TRIO: variants seen among roughly 807,000 people sequenced by gnomAD.
TRIO encodes the protein trio Rho guanine nucleotide exchange factor.
A neutral mutation model predicts 351.9 loss-of-function variants in TRIO; 58 were observed. That is an observed-to-expected ratio of 0.16 (90% CI 0.13 to 0.21). The LOEUF is 0.21. Among genes scored for constraint, TRIO ranks in the 10% least tolerant of loss-of-function variants. The pLI, the probability that TRIO is intolerant of heterozygous loss-of-function variation, is 1.00. For missense variants in TRIO, 3,201 were observed against 4,027.8 expected (o/e 0.79, Z 5.56); for synonymous variants, 1,758 against 1,595.7 (o/e 1.10, Z -2.42).
intron 19 of TRIO, among the ~76,000 whole-genome samples, chr5:14,376,383 C>T (rs1745559706): frequency 6.6e-6 from 1 of 152,180 alleles, no homozygotes; most frequent in South Asian, 2.1e-4. Flanking sequence ...TAGCTAATTC[C>T]TTAGCTACTG....
At chr5:14,176,107 G>C (rs939993923) in intron 1 of TRIO, among the ~76,000 whole-genome samples, 1 of 151,998 alleles carries the variant, frequency 6.6e-6, no homozygotes, top group Non-Finnish European at 1.5e-5. Flanking sequence ...AGGAGTTCAA[G>C]GCCAGCCTGG....
chr5:14,406,190 G>T lies in TRIO; in HGVS notation c.4859+200G>T, dbSNP rs2014176. ...GAGCCTCTATTGGCTTAGAGTAAAC[G>T]AAGGGCTGTGTGCAAACCTCTCATT... On this transcript the variant is annotated intron_variant, in intron 32 of 56. Coordinates refer to ENST00000344204, the MANE Select transcript of TRIO (RefSeq NM_007118.4). The T allele has an allele frequency of 3.8e-6, 3 of 789,544 alleles. No individual in the cohort carries two copies. The East Asian group carries it at 8.4e-5, about 22-fold the overall frequency. The allele number at this position is 789,544 out of a possible 1,614,324, so 48.9% of individuals were successfully genotyped here. A position where few individuals can be genotyped will look rare whatever the true frequency, so the allele number is the denominator to read the frequency against.
chr5:14,309,025 CCAGCCACT>C (rs1296421340), intron 8 of TRIO, among the ~76,000 whole-genome samples: 4 of 152,060 alleles, frequency 2.6e-5, no homozygotes, highest in Non-Finnish European at 5.9e-5. Context: ...ACGCAGTCAC[CCAGCCACT>C]CAGCCACTCA....
chr5:14,408,010 C>T (rs554520468), intron 33 of TRIO, among the ~76,000 whole-genome samples: 4 of 152,238 alleles, frequency 2.6e-5, no homozygotes, highest in Non-Finnish European at 5.9e-5. Flanking sequence ...GACCTCATTT[C>T]ATGAGACCTT....
chr5:14,319,695 A>G (rs751789387), intron 9 of TRIO, among the ~76,000 whole-genome samples: 5 of 152,244 alleles, frequency 3.3e-5, no homozygotes, highest in Non-Finnish European at 7.3e-5. Context: ...TAGGCGAGGC[A>G]TGGAATGATT....
chr5:14,477,098 T>A, intron 41 of TRIO, 135 bp downstream of exon 41: 1 of 733,492 alleles, frequency 1.4e-6, no homozygotes, highest in Non-Finnish European at 2.2e-6. Context: ...TGCATGGTGT[T>A]AATGAGTTGG....
intron 33 of TRIO, among the ~76,000 whole-genome samples, chr5:14,419,317 A>G (rs1006535775): frequency 6.6e-6 from 1 of 152,158 alleles, no homozygotes; most frequent in Non-Finnish European, 1.5e-5. Context: ...TTTCAGGGTC[A>G]TAGCCCATTG....
chr5:14,353,404 A>G (rs1353337369), intron 11 of TRIO, among the ~76,000 whole-genome samples: 1 of 151,632 alleles, frequency 6.6e-6, no homozygotes, highest in African/African-American at 2.4e-5. Flanking sequence ...CTGGGACTAC[A>G]TGTGTGTGCC....
chr5:14,341,845 G>T (rs1741964221), intron 11 of TRIO, among the ~76,000 whole-genome samples: 1 of 152,210 alleles, frequency 6.6e-6, no homozygotes, highest in African/African-American at 2.4e-5. Flanking sequence ...CTTGAATTGG[G>T]CTGTGATTCT....
intron 15 of TRIO, among the ~76,000 whole-genome samples, chr5:14,365,786 A>G (rs43171): frequency 0.41 from 61,961 of 152,092 alleles, 14,992 homozygotes; most frequent in East Asian, 0.62. Context: ...GTCCCATGAT[A>G]CATTAGGCTG....
intron 11 of TRIO, among the ~76,000 whole-genome samples, chr5:14,351,726 T>TAACA (rs1743139347): frequency 6.6e-6 from 1 of 152,126 alleles, no homozygotes; most frequent in Admixed American, 6.5e-5. Flanking sequence ...CCCCAGGAGA[T>TAACA]GTGTTGGGCC....
Position 14,295,483 on chromosome 5 carries a change from G to C in TRIO, c.1177-1589G>C, listed in dbSNP as rs16903369. Among the ~76,000 whole-genome samples the C allele has an allele frequency of 6.1e-3, 929 of 152,310 alleles. 12 individuals are homozygous for C. The highest frequency in any genetic ancestry group is 0.022 in the African/African-American group (900 of 41,556). ...TCTGTTTTTATATAAAAGTGACACA[G>C]GAAGCTGTTACAATCTAGGAATGGG... On this transcript the variant is annotated intron_variant, in intron 6 of 56. Transcript: ENST00000344204.
At chr5:14,489,066 A>G (rs1047214381) in intron 48 of TRIO, 2 of 765,102 alleles carry the variant, frequency 2.6e-6, no homozygotes, top group African/African-American at 3.4e-5. Context: ...TCCTGAAGGC[A>G]TGCGTGAGTG....
At chr5:14,263,270 ATGCAGAGCTAGTCCATG>A (rs1366661184) in intron 1 of TRIO, among the ~76,000 whole-genome samples, 2 of 152,182 alleles carry the variant, frequency 1.3e-5, no homozygotes, top group Non-Finnish European at 2.9e-5. Flanking sequence ...CCCCAACTCC[ATGCAGAGCTAGTCCATG>A]TGCACTGAGA....
chr5:14,264,381 A>G (rs1581478792), intron 1 of TRIO, among the ~76,000 whole-genome samples: 1 of 152,208 alleles, frequency 6.6e-6, no homozygotes, highest in Admixed American at 6.5e-5. Flanking sequence ...CAACAGTTAT[A>G]ACCATAAAGG....
rs56018324 is a variant in TRIO, at chr5:14,495,658, G to GAAAAAAA, written c.7881-1199_7881-1193dup. On this transcript the variant is annotated intron_variant, in intron 49 of 56. Transcript: ENST00000344204. ...ACATAGTGAAACCCCGTCTCTACTA[G>GAAAAAAA]AAAAAAAAAAAAAAAAAAAAAAAAA... Among the ~76,000 whole-genome samples the GAAAAAAA allele has an allele frequency of 4.6e-4, 15 of 32,586 alleles. 4 individuals are homozygous for GAAAAAAA. The highest frequency in any genetic ancestry group is 1.6e-3 in the African/African-American group (15 of 9,336). The allele number at this position is 32,586 out of a possible 152,430, so 21.4% of individuals were successfully genotyped here.
At chr5:14,422,459 G>T (rs796929407) in intron 34 of TRIO, among the ~76,000 whole-genome samples, 1 of 152,138 alleles carries the variant, frequency 6.6e-6, no homozygotes, top group Non-Finnish European at 1.5e-5. Flanking sequence ...TATGTCAAAT[G>T]TAAAAAACAT....
intron 1 of TRIO, among the ~76,000 whole-genome samples, chr5:14,257,446 A>T (rs560691232): frequency 1.3e-4 from 20 of 151,896 alleles, no homozygotes; most frequent in South Asian, 2.1e-4. Flanking sequence ...AAAAAAAAAA[A>T]TTTTGCTCAC....
At chr5:14,298,068 G>C (rs1479081811) in intron 7 of TRIO, among the ~76,000 whole-genome samples, 1 of 152,242 alleles carries the variant, frequency 6.6e-6, no homozygotes, top group Admixed American at 6.5e-5. Context: ...CTGCCCGCAA[G>C]GGTGAGGGAG....
Sources: allele counts gnomAD v4.1 joint callset (sites outside exome capture counted in the v4.1 genomes callset), GRCh38; gene constraint gnomAD v4.1.1; transcripts MANE v1.5; gene names NCBI Gene and HGNC (gene_info 2026-07-23, HGNC 2026-07-21).